ITPR2: variants seen among roughly 807,000 people sequenced by gnomAD.
The protein encoded by ITPR2 is inositol 1,4,5-trisphosphate receptor type 2.
Under a neutral mutation model 317.1 loss-of-function variants are expected in ITPR2, and 207 were observed. The observed-to-expected ratio is 0.65, with a 90% CI of 0.58 to 0.73. The LOEUF is 0.73. ITPR2 is among the 30% of genes least tolerant of loss of function. The probability of loss-of-function intolerance (pLI) is 0.00; values close to 1 mark genes in which losing one functional copy is unlikely to be tolerated. For synonymous variants in ITPR2, 1,156 were observed against 1,149.1 expected (o/e 1.01, Z -0.12); for missense variants, 2,613 against 3,284.0 (o/e 0.80, Z 4.99).
intron 2 of ITPR2, among the ~76,000 whole-genome samples, chr12:26,733,668 G>A (rs910716932): frequency 6.6e-6 from 1 of 152,084 alleles, no homozygotes; most frequent in Non-Finnish European, 1.5e-5. Context: ...ATTTGGAGTG[G>A]GGAGGAAAAG....
At chr12:26,609,909 T>C (rs567840313) in intron 26 of ITPR2, among the ~76,000 whole-genome samples, 2 of 152,344 alleles carry the variant, frequency 1.3e-5, no homozygotes, top group South Asian at 4.1e-4. Flanking sequence ...GGCTTATTTA[T>C]TGAAACTCAT....
At chr12:26,797,682 CTTTTTTTTTTTTT>C (rs71069269) in intron 1 of ITPR2, among the ~76,000 whole-genome samples, 1 of 71,906 alleles carries the variant, frequency 1.4e-5, no homozygotes, top group Non-Finnish European at 2.4e-5. Context: ...ATGGAATTGT[CTTTTTTTTTTTTT>C]TTTTTTTTTT....
At chr12:26,613,877 G>T (rs887279593) in intron 26 of ITPR2, among the ~76,000 whole-genome samples, 2 of 152,052 alleles carry the variant, frequency 1.3e-5, no homozygotes. Context: ...CAAGCCAAAA[G>T]GTATGTTCAA....
chr12:26,341,170 A>C (rs1938100639), intron 55 of ITPR2, among the ~76,000 whole-genome samples: 1 of 152,188 alleles, frequency 6.6e-6, no homozygotes, highest in South Asian at 2.1e-4. Flanking sequence ...TAAGGAAACA[A>C]GAGGCTCTAA....
chr12:26,608,392 G>C (rs1946186313), intron 26 of ITPR2, among the ~76,000 whole-genome samples: 2 of 151,908 alleles, frequency 1.3e-5, no homozygotes, highest in African/African-American at 4.8e-5. Context: ...AGTGAGGAGC[G>C]CCTCTCCCCG....
At chr12:26,460,902 T>C (rs1468305962) in intron 45 of ITPR2, among the ~76,000 whole-genome samples, 3 of 152,176 alleles carry the variant, frequency 2.0e-5, no homozygotes, top group Admixed American at 1.3e-4. Context: ...CTCATTTCAA[T>C]GACTTCTGCC....
At chr12:26,373,416 C>G (rs904410523) in intron 55 of ITPR2, among the ~76,000 whole-genome samples, 3 of 152,128 alleles carry the variant, frequency 2.0e-5, no homozygotes, top group Non-Finnish European at 2.9e-5. Context: ...AAAAGAAATC[C>G]CTGAGTAATT....
chr12:26,384,986 T>C (rs78387381), intron 55 of ITPR2, among the ~76,000 whole-genome samples: 3,861 of 152,310 alleles, frequency 0.025, 66 homozygotes, highest in South Asian at 0.057. Context: ...ATGTGAACTG[T>C]CACAGTGAGA....
At chr12:26,763,099 AAG>A (rs1949664356) in intron 2 of ITPR2, among the ~76,000 whole-genome samples, 2 of 152,142 alleles carry the variant, frequency 1.3e-5, no homozygotes, top group Admixed American at 6.5e-5. Context: ...TAAAATATCT[AAG>A]AGAGTATATC....
chr12:26,384,777 A>G (rs966649347), intron 55 of ITPR2, among the ~76,000 whole-genome samples: 1 of 151,714 alleles, frequency 6.6e-6, no homozygotes, highest in African/African-American at 2.4e-5. Context: ...GAAATCCTCA[A>G]CTCTTGGCTT....
chr12:26,695,298 T>C (rs1436929865), intron 10 of ITPR2, among the ~76,000 whole-genome samples: 2 of 152,204 alleles, frequency 1.3e-5, no homozygotes, highest in Non-Finnish European at 2.9e-5. Context: ...ACCATGAAGC[T>C]TTCTTCTTTA....
Position 26,403,028 on chromosome 12 carries a change from G to A in ITPR2, c.7400-2770C>T, listed in dbSNP as rs114025458. Among the ~76,000 whole-genome samples, 433 of 152,276 alleles carry A rather than the reference G, an allele frequency of 2.8e-3. 3 individuals are homozygous for A. Among genetic ancestry groups the A allele is most frequent in the African/African-American group, 9.8e-3 (408 of 41,546 alleles). On this transcript the variant is annotated intron_variant, in intron 52 of 56. Coordinates refer to ENST00000381340, the MANE Select transcript of ITPR2 (RefSeq NM_002223.4). ...GCAGTGCAGTATCACAGGATGCTGC[G>A]GAGGCAAAACAGATGCATATCTCAC... is the stretch of plus-strand genomic sequence containing the variant.
At chr12:26,690,790 G>T (rs1312898791) in intron 10 of ITPR2, among the ~76,000 whole-genome samples, 1 of 152,054 alleles carries the variant, frequency 6.6e-6, no homozygotes, top group African/African-American at 2.4e-5. Flanking sequence ...TCCAAACACA[G>T]AAAAAACTCA....
chr12:26,650,336 T>C (rs1283115720), intron 21 of ITPR2, among the ~76,000 whole-genome samples: 1 of 152,088 alleles, frequency 6.6e-6, no homozygotes, highest in Non-Finnish European at 1.5e-5. Flanking sequence ...TTTAGGGCAG[T>C]GAAAAGATGC....
intron 50 of ITPR2, among the ~76,000 whole-genome samples, chr12:26,416,876 T>A (rs1475742446): frequency 1.3e-5 from 2 of 152,290 alleles, no homozygotes; most frequent in Non-Finnish European, 2.9e-5. Flanking sequence ...AATCTGGCAA[T>A]GTGCTGTAGG....
intron 26 of ITPR2, among the ~76,000 whole-genome samples, chr12:26,614,539 C>T (rs1460385340): frequency 6.6e-6 from 1 of 152,184 alleles, no homozygotes; most frequent in Non-Finnish European, 1.5e-5. Context: ...CAGCTTTATT[C>T]ATAATTGCCA....
chr12:26,385,180 G>A (rs1939630748), intron 55 of ITPR2, among the ~76,000 whole-genome samples: 2 of 152,274 alleles, frequency 1.3e-5, no homozygotes, highest in South Asian at 2.1e-4. Flanking sequence ...AAGAGACAGA[G>A]CACTGGTTTG....
intron 41 of ITPR2, among the ~76,000 whole-genome samples, chr12:26,484,470 T>C (rs755163952): frequency 1.4e-4 from 21 of 152,174 alleles, no homozygotes; most frequent in Non-Finnish European, 2.5e-4. Flanking sequence ...TCTAGATATA[T>C]GTACATAAGT....
At position 26,398,951 on chromosome 12, in the gene ITPR2, T is replaced by C. The variant is rs1940087496; in HGVS notation, c.7621A>G (p.Ile2541Val). The C allele has an allele frequency of 1.2e-6, 2 of 1,611,488 alleles. No individual in the cohort carries two copies. Among genetic ancestry groups the C allele is most frequent in the South Asian group, 1.1e-5 (1 of 90,480 alleles). ...CTTCTGAGATCAGCAAAAGTATCGA[T>C]GATAACACCAAAAATCAAGTTCAGA... ...IVLNLIFGVI[I>V]DTFADLRSEK... Residue 2541 changes from isoleucine (I) to valine (V), a missense_variant, in exon 54 of 57, where the codon ATC becomes GTC. This residue lies in a region of ITPR2 where 28 missense variants were observed against 76.0 expected (regional missense o/e 0.37). Coordinates refer to ENST00000381340, the MANE Select transcript of ITPR2 (RefSeq NM_002223.4).
Sources: allele counts gnomAD v4.1 joint callset (sites outside exome capture counted in the v4.1 genomes callset), GRCh38; gene constraint gnomAD v4.1.1; regional missense constraint gnomAD v4.1.1; transcripts MANE v1.5; gene names NCBI Gene and HGNC (gene_info 2026-07-23, HGNC 2026-07-21).